ANKH: variants seen among roughly 807,000 people sequenced by gnomAD.
ANKH encodes the protein mineralization regulator ANKH.
In ANKH, 15 loss-of-function variants were observed where a neutral mutation model predicts 49.0. The ratio of observed to expected loss-of-function variants is 0.31; its 90% CI spans 0.20 to 0.47. The LOEUF (loss-of-function observed/expected upper bound fraction) is 0.47, where lower values mean the gene tolerates loss of function less well. Among genes scored for constraint, ANKH ranks in the 20% least tolerant of loss-of-function variants. The pLI, the probability that ANKH is intolerant of heterozygous loss-of-function variation, is 1.00. For missense variants in ANKH, 429 were observed against 652.0 expected (o/e 0.66, Z 3.72); for synonymous variants, 273 against 260.0 (o/e 1.05, Z -0.48).
Position 14,710,941 on chromosome 5 carries a change from C to T in ANKH, c.*256G>A, listed in dbSNP as rs1265113554. 1 of 459,336 alleles carries T rather than the reference C, an allele frequency of 2.2e-6. No individual in the cohort carries two copies. Among genetic ancestry groups the T allele is most frequent in the Admixed American group, 3.3e-5 (1 of 29,854 alleles). The allele number at this position is 459,336 out of a possible 1,614,324, so 28.5% of individuals were successfully genotyped here. A position where few individuals can be genotyped will look rare whatever the true frequency, so the allele number is the denominator to read the frequency against. ...GAGGCAGCTGTGTCTTTTGGGTTTT[C>T]GTGAGGCAGGGGTATGAAGTCAGTT... On this transcript the variant is annotated 3_prime_UTR_variant, in exon 12 of 12. Transcript: ENST00000284268.
chr5:14,853,339 G>T (rs1040429344), intron 1 of ANKH, among the ~76,000 whole-genome samples: 5 of 152,138 alleles, frequency 3.3e-5, no homozygotes, highest in Admixed American at 6.5e-5. Flanking sequence ...ATTTTGAGAG[G>T]CCAAGGCAGG....
intron 1 of ANKH, chr5:14,870,791 A>G (rs183925304): frequency 0.024 from 3,693 of 155,386 alleles, 75 homozygotes; most frequent in Non-Finnish European, 0.027. Context: ...AAGAAAGAAA[A>G]AAAAAGAAAA....
rs139474772 is a variant in ANKH, at chr5:14,870,556, C to T, written c.96+796G>A. Reference sequence around the variant, plus strand: ...GCCTCCCCATCACCAAATCCTCTCCCCGGCCTTAGAACGCAGCTGCATCCC... The same window carrying T: ...GCCTCCCCATCACCAAATCCTCTCCTCGGCCTTAGAACGCAGCTGCATCCC... On this transcript the variant is annotated intron_variant, in intron 1 of 11. Coordinates refer to ENST00000284268, the MANE Select transcript of ANKH (RefSeq NM_054027.6). 7.8e-3 allele frequency: 1,191 copies of T among 152,702 alleles called. 5 individuals are homozygous for T. The highest frequency in any genetic ancestry group is 0.014 in the Non-Finnish European group (941 of 68,408). The allele number at this position is 152,702 out of a possible 1,614,324, so 9.5% of individuals were successfully genotyped here.
intron 1 of ANKH, among the ~76,000 whole-genome samples, chr5:14,841,072 A>T (rs1304181640): frequency 6.6e-6 from 1 of 152,196 alleles, no homozygotes; most frequent in Non-Finnish European, 1.5e-5. Context: ...TGAGGATACT[A>T]ATTGTCACTA....
At chr5:14,859,069 C>T (rs927884190) in intron 1 of ANKH, among the ~76,000 whole-genome samples, 4 of 151,824 alleles carry the variant, frequency 2.6e-5, no homozygotes, top group Non-Finnish European at 5.9e-5. Flanking sequence ...TTTAAGTGTA[C>T]AATTCAGTGG....
chr5:14,722,207 A>G (rs1268185043), intron 8 of ANKH, among the ~76,000 whole-genome samples: 1 of 152,080 alleles, frequency 6.6e-6, no homozygotes, highest in Non-Finnish European at 1.5e-5. Flanking sequence ...TGTTCCTCAA[A>G]TATTTGCAGA....
chr5:14,844,923 C>T (rs1741913872), intron 1 of ANKH, among the ~76,000 whole-genome samples: 1 of 151,890 alleles, frequency 6.6e-6, no homozygotes, highest in East Asian at 1.9e-4. Context: ...GGGTTGGTAT[C>T]AACTTTCTAC....
intron 9 of ANKH, among the ~76,000 whole-genome samples, chr5:14,714,030 A>G (rs1737346306): frequency 1.3e-5 from 2 of 152,226 alleles, no homozygotes; most frequent in Admixed American, 1.3e-4. Flanking sequence ...ACTCAGAGAA[A>G]AGTGGCACTC....
At chr5:14,825,483 C>G (rs1231449664) in intron 1 of ANKH, among the ~76,000 whole-genome samples, 1 of 152,208 alleles carries the variant, frequency 6.6e-6, no homozygotes, top group Non-Finnish European at 1.5e-5. Context: ...TCCCGAGTAG[C>G]TGAGACTACA....
chr5:14,733,037 A>G (rs767182852), intron 8 of ANKH, among the ~76,000 whole-genome samples: 32 of 152,324 alleles, frequency 2.1e-4, no homozygotes, highest in Non-Finnish European at 3.7e-4. Context: ...TGTCAGCTCC[A>G]GTTCGTGCAC....
At chr5:14,831,942 A>T (rs1324105985) in intron 1 of ANKH, among the ~76,000 whole-genome samples, 1 of 152,210 alleles carries the variant, frequency 6.6e-6, no homozygotes, top group Non-Finnish European at 1.5e-5. Flanking sequence ...AATAAATTAC[A>T]AGACATACTT....
chr5:14,754,315 T>G (rs1738810114), intron 4 of ANKH, among the ~76,000 whole-genome samples: 1 of 151,446 alleles, frequency 6.6e-6, no homozygotes, highest in Admixed American at 6.6e-5. Flanking sequence ...ACTATGTTTA[T>G]TTTAGGCAAA....
At chr5:14,852,052 T>G (rs1742137009) in intron 1 of ANKH, among the ~76,000 whole-genome samples, 1 of 152,126 alleles carries the variant, frequency 6.6e-6, no homozygotes, top group Non-Finnish European at 1.5e-5. Context: ...GAGGCTAAGG[T>G]GGGAGGACTG....
chr5:14,843,041 T>C lies in ANKH; in HGVS notation c.96+28311A>G, dbSNP rs551129991. ...AGGTAAGAGGGTCTCAAATTGTGGC[T>C]AGATGCCCAGGAGTGATTAAGCAAT... On this transcript the variant is annotated intron_variant, in intron 1 of 11. Transcript: ENST00000284268. Among the ~76,000 whole-genome samples, 227 of 152,296 alleles carry C rather than the reference T, an allele frequency of 1.5e-3. 1 individual carries two copies. The South Asian group carries it at 0.015, about 10-fold the overall frequency.
rs982449228 is a variant in ANKH, at chr5:14,705,268, C to T, written c.*5929G>A. The T allele has an allele frequency of 2.6e-5, 4 of 151,870 alleles. No homozygotes were observed. Among genetic ancestry groups the T allele is most frequent in the Non-Finnish European group, 4.4e-5 (3 of 67,994 alleles). 9.4% of individuals were successfully genotyped at this position (151,870 alleles called of 1,614,324 possible). ...GCCCATGTAGAGGAATGACTCTAAG[C>T]ACACTTAATTTTGTTTAAAAAAAAA... On this transcript the variant is annotated 3_prime_UTR_variant, in exon 12 of 12. Transcript: ENST00000284268.
At chr5:14,724,631 G>C (rs1737768714) in intron 8 of ANKH, 15 of 970,134 alleles carry the variant, frequency 1.5e-5, no homozygotes, top group Non-Finnish European at 1.8e-5. Flanking sequence ...ACCAAGACCT[G>C]CTTCCTCACT....
chr5:14,806,321 T>A (rs201167456), intron 1 of ANKH, among the ~76,000 whole-genome samples: 98 of 147,848 alleles, frequency 6.6e-4, no homozygotes, highest in African/African-American at 2.4e-3. Flanking sequence ...TTTGGGTGGG[T>A]AAAAAAAAAA....
chr5:14,818,459 T>G (rs1046171132), intron 1 of ANKH, among the ~76,000 whole-genome samples: 3 of 151,732 alleles, frequency 2.0e-5, no homozygotes, highest in African/African-American at 7.3e-5. Flanking sequence ...CTGGCCAACA[T>G]GGTGAACCCC....
rs754282464 is a variant in ANKH at position 14,712,904 on chromosome 5, G to C, written c.1335C>G (p.Ala445=). The C allele has an allele frequency of 6.2e-7, 1 of 1,612,724 alleles. No homozygotes were observed. The highest frequency in any genetic ancestry group is 8.5e-7 in the Non-Finnish European group (1 of 1,179,678). ...TCCGGTAGACATAGCACGCAGCGAT[G>C]GCGACCATGGTGGATTCTCCCACAA... ...AGFVGESTMV[A]IAACYVYRKQ... Residue 445 remains alanine, a synonymous_variant, in exon 11 of 12, where the codon GCC becomes GCG. Coordinates refer to ENST00000284268, the MANE Select transcript of ANKH (RefSeq NM_054027.6).
Sources: gnomAD v4.1 joint callset for allele counts (sites outside exome capture counted in the v4.1 genomes callset) on GRCh38, gnomAD v4.1.1 for gene constraint, MANE v1.5 for transcripts, NCBI Gene and HGNC (gene_info 2026-07-23, HGNC 2026-07-21) for gene names.